Variants in BCAR3 observed in about 807,000 individuals in gnomAD.
BCAR3 encodes the protein BCAR3 adaptor protein, NSP family member, also known as breast cancer anti-estrogen resistance protein 3.
BCAR3 carries 37 observed loss-of-function variants against 80.1 expected under a neutral mutation model. The ratio of observed to expected loss-of-function variants is 0.46; its 90% CI spans 0.36 to 0.61. The LOEUF (loss-of-function observed/expected upper bound fraction) is 0.61. Among genes scored for constraint, BCAR3 ranks in the 20% least tolerant of loss-of-function variants. The probability of loss-of-function intolerance (pLI) is 0.00; values close to 1 mark genes in which losing one functional copy is unlikely to be tolerated. For synonymous variants in BCAR3, 389 were observed against 418.9 expected (o/e 0.93, Z 0.87); for missense variants, 978 against 1,068.2 (o/e 0.92, Z 1.18).
intron 2 of BCAR3, among the ~76,000 whole-genome samples, chr1:93,826,316 C>G (rs927614202): frequency 6.6e-6 from 1 of 152,158 alleles, no homozygotes; most frequent in Non-Finnish European, 1.5e-5. Context: ...CTGAGCTGCA[C>G]TTTCCTCTCC....
At position 93,822,923 on chromosome 1, in the gene BCAR3, T is replaced by G. The variant is rs1256463937; in HGVS notation, c.-63+22644A>C. ...GCCCTGTGCTTCTCAGAGGCAACCA[T>G]GGAAATCCAGTTCCCTTGCCAGTGA... On this transcript the variant is annotated intron_variant, in intron 2 of 13. Transcript: ENST00000370244. Among the ~76,000 whole-genome samples the G allele has an allele frequency of 2.1e-5, 2 of 96,662 alleles. 1 individual carries two copies. The highest frequency in any genetic ancestry group is 5.1e-5 in the Non-Finnish European group (2 of 39,546). 63.4% of individuals were successfully genotyped at this position (96,662 alleles called of 152,430 possible). A position where few individuals can be genotyped will look rare whatever the true frequency, so the allele number is the denominator to read the frequency against.
At chr1:93,783,490 T>C (rs892937635) in intron 2 of BCAR3, among the ~76,000 whole-genome samples, 2 of 151,688 alleles carry the variant, frequency 1.3e-5, no homozygotes, top group African/African-American at 4.8e-5. Flanking sequence ...CATAAATATA[T>C]AGAAAAAAAG....
intron 3 of BCAR3, among the ~76,000 whole-genome samples, chr1:93,595,271 T>C (rs3767973): frequency 0.042 from 6,465 of 152,198 alleles, 211 homozygotes; most frequent in East Asian, 0.13. Context: ...AGTTTGAAGG[T>C]TACACAACTG....
intron 2 of BCAR3, among the ~76,000 whole-genome samples, chr1:93,725,954 A>G (rs1390731272): frequency 6.6e-6 from 1 of 152,102 alleles, no homozygotes; most frequent in Non-Finnish European, 1.5e-5. Flanking sequence ...CAGTTTTTCC[A>G]TTCTGGCATC....
At chr1:93,776,454 G>A (rs550001047) in intron 2 of BCAR3, among the ~76,000 whole-genome samples, 14 of 152,108 alleles carry the variant, frequency 9.2e-5, no homozygotes, top group Admixed American at 8.5e-4. Flanking sequence ...ATATAATTAA[G>A]TTTTTTAAAC....
intron 3 of BCAR3, among the ~76,000 whole-genome samples, chr1:93,638,984 T>C (rs1675892509): frequency 1.3e-5 from 2 of 152,198 alleles, no homozygotes; most frequent in Admixed American, 6.5e-5. Flanking sequence ...TGGACTACTT[T>C]GGATCTGCAA....
chr1:93,650,535 C>G (rs79249234), intron 2 of BCAR3, among the ~76,000 whole-genome samples: 4,295 of 152,260 alleles, frequency 0.028, 95 homozygotes, highest in East Asian at 0.081. Context: ...CATGTGACCA[C>G]AACCTCTCTA....
At chr1:93,585,521 C>A (rs1433616591) in intron 5 of BCAR3, among the ~76,000 whole-genome samples, 2 of 152,188 alleles carry the variant, frequency 1.3e-5, no homozygotes, top group African/African-American at 4.8e-5. Flanking sequence ...AGGAGGCCTT[C>A]CCTGCAGCAG....
chr1:93,638,221 C>T (rs1675857416), intron 3 of BCAR3, among the ~76,000 whole-genome samples: 1 of 152,188 alleles, frequency 6.6e-6, no homozygotes, highest in Non-Finnish European at 1.5e-5. Flanking sequence ...TGTACTCCAG[C>T]CTGGGCAACA....
At chr1:93,812,233 A>T (rs1300186185) in intron 2 of BCAR3, among the ~76,000 whole-genome samples, 1 of 151,930 alleles carries the variant, frequency 6.6e-6, no homozygotes, top group Non-Finnish European at 1.5e-5. Context: ...GAATGCTTAA[A>T]CTCCCTTATT....
intron 3 of BCAR3, among the ~76,000 whole-genome samples, chr1:93,695,702 A>C (rs1649365140): frequency 6.6e-6 from 1 of 152,162 alleles, no homozygotes; most frequent in African/African-American, 2.4e-5. Context: ...GGCCTGCCTC[A>C]GCCCCTCCTC....
intron 2 of BCAR3, among the ~76,000 whole-genome samples, chr1:93,807,290 G>A (rs1301968852): frequency 3.3e-5 from 5 of 152,040 alleles, no homozygotes; most frequent in African/African-American, 9.7e-5. Flanking sequence ...TCAGAACAAG[G>A]ATCACTGAGG....
intron 2 of BCAR3, among the ~76,000 whole-genome samples, chr1:93,803,752 T>TAA (rs1653570876): frequency 6.6e-6 from 1 of 152,130 alleles, no homozygotes; most frequent in Non-Finnish European, 1.5e-5. Flanking sequence ...GTTTAAGAAC[T>TAA]ATAGCTTGGA....
At chr1:93,585,037 A>G (rs1166847541) in intron 5 of BCAR3, 2 of 985,404 alleles carry the variant, frequency 2.0e-6, no homozygotes, top group African/African-American at 1.7e-5. Context: ...GAGAAATTCC[A>G]GCAACCTTTC....
At chr1:93,649,864 TC>T (rs1676266383) in intron 2 of BCAR3, among the ~76,000 whole-genome samples, 1 of 150,552 alleles carries the variant, frequency 6.6e-6, no homozygotes, top group South Asian at 2.1e-4. Flanking sequence ...TTGTTTGAAC[TC>T]AACAGCCAGC....
At chr1:93,580,878 G>C (rs965306142) in intron 7 of BCAR3, among the ~76,000 whole-genome samples, 1 of 152,174 alleles carries the variant, frequency 6.6e-6, no homozygotes, top group Non-Finnish European at 1.5e-5. Context: ...AAATGGTGAT[G>C]GGCCGGGTGC....
At chr1:93,600,503 G>C (rs1446632014) in intron 3 of BCAR3, among the ~76,000 whole-genome samples, 1 of 152,146 alleles carries the variant, frequency 6.6e-6, no homozygotes, top group East Asian at 1.9e-4. Context: ...GACATTATTT[G>C]GGGCTGTTGG....
At chr1:93,576,600 C>T (rs1673469414) in intron 7 of BCAR3, among the ~76,000 whole-genome samples, 1 of 152,250 alleles carries the variant, frequency 6.6e-6, no homozygotes, top group Admixed American at 6.5e-5. Context: ...CCACAGCTGG[C>T]TGCTATTACC....
At chr1:93,757,298 T>G (rs888586888) in intron 2 of BCAR3, among the ~76,000 whole-genome samples, 20 of 152,150 alleles carry the variant, frequency 1.3e-4, no homozygotes, top group African/African-American at 4.3e-4. Flanking sequence ...TCCACACCAC[T>G]CTTCTCCCAC....
Sources: allele counts gnomAD v4.1 joint callset (sites outside exome capture counted in the v4.1 genomes callset), GRCh38; gene constraint gnomAD v4.1.1; transcripts MANE v1.5; gene names NCBI Gene and HGNC (gene_info 2026-07-23, HGNC 2026-07-21).